Variants in SLC12A1 observed in about 807,000 individuals in gnomAD.
The protein encoded by SLC12A1 is Na-K-2Cl cotransporter.
A neutral mutation model predicts 130.4 loss-of-function variants in SLC12A1; 89 were observed. That is an observed-to-expected ratio of 0.68 (90% confidence interval 0.58 to 0.81). SLC12A1 has a LOEUF of 0.81. Ranked by LOEUF, SLC12A1 falls within the 40% of genes least tolerant of loss-of-function variation. The pLI is 0.00. For missense variants in SLC12A1, 1,310 were observed against 1,336.4 expected, an observed-to-expected ratio of 0.98 and a Z score of 0.31; for synonymous variants, 499 against 460.0, an observed-to-expected ratio of 1.08 and a Z score of -1.09.
At chr15:48,248,448 C>A (rs1194308277) in intron 13 of SLC12A1, among the ~76,000 whole-genome samples, 1 of 152,224 alleles carries the variant, frequency 6.6e-6, no homozygotes, top group Non-Finnish European at 1.5e-5. Context: ...TTTTTAAAGT[C>A]TTGTATACAT....
chr15:48,249,437 TG>T (rs1566840579), intron 13 of SLC12A1, 137 bp from the exon 14 acceptor site: 1 of 695,664 alleles, frequency 1.4e-6, no homozygotes, highest in African/African-American at 1.8e-5. Flanking sequence ...CAAAGAAAAA[TG>T]ACTAACTTCT....
At chr15:48,221,475 G>C (rs558156710) in intron 4 of SLC12A1, 3 of 672,764 alleles carry the variant, frequency 4.5e-6, no homozygotes, top group Admixed American at 4.4e-5. Context: ...TGTTACTTTC[G>C]GGTACCAGCA....
At position 48,302,791 on chromosome 15, in the gene SLC12A1, T is replaced by G. The variant is rs1473447476; in HGVS notation, c.3206T>G (p.Leu1069Trp). 15 of 1,613,450 alleles carry G rather than the reference T, an allele frequency of 9.3e-6. No homozygotes were observed. The highest frequency in any genetic ancestry group is 1.1e-5 in the Non-Finnish European group (13 of 1,179,598). ...VARKGSISDL[L>W]YMAWLEILTK... ...AGAAAGGGATCCATATCGGATTTGTTGTATATGGCTTGGTTGGAAATCCTC... is the reference window on the plus strand; with the variant it reads ...AGAAAGGGATCCATATCGGATTTGTGGTATATGGCTTGGTTGGAAATCCTC... The change falls in exon 27 of 27, where the codon TTG (leucine) becomes TGG (tryptophan). Residue 1069 changes from leucine to tryptophan, a missense_variant. By Grantham distance (61) the Leu-to-Trp change is moderately conservative. Transcript: ENST00000380993.
intron 14 of SLC12A1, 80 bp from the exon 15 acceptor site, chr15:48,251,535 A>G: frequency 1.8e-6 from 2 of 1,111,610 alleles, no homozygotes; most frequent in South Asian, 2.6e-5. Context: ...GGAAAAAGGC[A>G]TGTTACCTGC....
intron 20 of SLC12A1, among the ~76,000 whole-genome samples, chr15:48,279,645 T>G (rs1678668388): frequency 6.6e-6 from 1 of 152,224 alleles, no homozygotes; most frequent in Non-Finnish European, 1.5e-5. Context: ...TATTTCATAC[T>G]GCTCACTTCC....
intron 5 of SLC12A1, chr15:48,227,318 A>C: frequency 1.5e-6 from 1 of 650,282 alleles, no homozygotes; most frequent in Non-Finnish European, 2.7e-6. Context: ...ACAGCAAAGC[A>C]AAATTTTTCT....
chr15:48,259,994 G>A (rs936351844), intron 17 of SLC12A1, among the ~76,000 whole-genome samples: 6 of 152,134 alleles, frequency 3.9e-5, no homozygotes, highest in Non-Finnish European at 8.8e-5. Flanking sequence ...GCCAAAGGGT[G>A]CAGTGGCTCA....
intron 4 of SLC12A1, chr15:48,222,344 A>C (rs1416219070): frequency 6.6e-6 from 1 of 152,180 alleles, no homozygotes; most frequent in Non-Finnish European, 1.5e-5. Context: ...TCTGAACTTT[A>C]ATCAGATCTT....
intron 18 of SLC12A1, among the ~76,000 whole-genome samples, chr15:48,268,905 A>G (rs540809045): frequency 3.3e-5 from 5 of 152,346 alleles, no homozygotes; most frequent in African/African-American, 9.6e-5. Flanking sequence ...AAGAAAAGAC[A>G]CAAGTATGAA....
chr15:48,294,506 T>C (rs2042154759), intron 24 of SLC12A1, among the ~76,000 whole-genome samples: 1 of 152,222 alleles, frequency 6.6e-6, no homozygotes, highest in African/African-American at 2.4e-5. Context: ...TGTAAATACA[T>C]AAGAAAAATT....
rs139752042 is a variant in SLC12A1 at position 48,276,081 on chromosome 15, G to A, written c.2485+1428G>A. 5.1e-3 allele frequency among the ~76,000 whole-genome samples: 777 copies of A among 152,300 alleles called. 8 individuals are homozygous for A. The highest frequency in any genetic ancestry group is 0.044 in the Middle Eastern group (13 of 294). On this transcript the variant is annotated intron_variant, in intron 20 of 26. Coordinates refer to ENST00000380993, the MANE Select transcript of SLC12A1 (RefSeq NM_000338.3). ...GTATTTTGCAGGTACAAAGAGCAGC[G>A]TTTGGGAGTTGATTGAATGTGTGGG...
chr15:48,226,921 T>C, intron 5 of SLC12A1: 1 of 616,778 alleles, frequency 1.6e-6, no homozygotes. Context: ...ACATTTCAGG[T>C]GCTTCCTAGA....
chr15:48,278,379 G>A (rs1054205328), intron 20 of SLC12A1, among the ~76,000 whole-genome samples: 6 of 152,178 alleles, frequency 3.9e-5, no homozygotes, highest in Admixed American at 2.0e-4. Context: ...GGTAAAATGG[G>A]GGCTTACCCA....
chr15:48,237,975 G>A (rs2041458408), intron 9 of SLC12A1, among the ~76,000 whole-genome samples: 1 of 152,116 alleles, frequency 6.6e-6, no homozygotes, highest in Non-Finnish European at 1.5e-5. Context: ...GCCATGCAGA[G>A]GAGAAGAACC....
At chr15:48,247,311 A>G in intron 12 of SLC12A1, 26 bp from the exon 13 acceptor site, 1 of 1,593,822 alleles carries the variant, frequency 6.3e-7, no homozygotes, top group Non-Finnish European at 8.5e-7. Context: ...TATAAATGAC[A>G]AATTTCTTCT....
chr15:48,254,787 G>T (rs1018187087), intron 15 of SLC12A1, among the ~76,000 whole-genome samples: 2 of 151,950 alleles, frequency 1.3e-5, no homozygotes, highest in African/African-American at 4.8e-5. Flanking sequence ...AGCCGGGCGT[G>T]GTGGCGGGCG....
At chr15:48,233,455 C>T (rs372642928) in intron 8 of SLC12A1, among the ~76,000 whole-genome samples, 1 of 152,182 alleles carries the variant, frequency 6.6e-6, no homozygotes, top group East Asian at 1.9e-4. Context: ...TTGCACCTTG[C>T]TTTCCCACAG....
At position 48,255,849 on chromosome 15, in the gene SLC12A1, G is replaced by A. The variant is rs191148564; in HGVS notation, c.1981G>A (p.Val661Met). ...WGSSTQALSY[V>M]SALDNALELT... ...CTCCTCCACACAGGCTCTTTCCTAC[G>A]TGAGTGCTTTAGACAATGCTCTGGA... The change falls in exon 16 of 27, where the codon GTG becomes ATG. Residue 661 changes from valine to methionine, a missense_variant. Transcript: ENST00000380993. 162 of 1,608,376 alleles carry A rather than the reference G, an allele frequency of 1.0e-4. No homozygotes were observed. The highest frequency in any genetic ancestry group is 1.3e-4 in the African/African-American group (10 of 74,920).
Position 48,239,515 on chromosome 15 carries a change from A to AAAAGAAAT in SLC12A1, c.1216-1997_1216-1996insGAAATAAA, listed in dbSNP as rs2041477195. ...GGGCAACAGAACAAGAACCCATCTC[A>AAAAGAAAT]AAATAAATAAATAAATAAATAAATA... is the stretch of plus-strand genomic sequence containing the variant. On this transcript the variant is annotated intron_variant, in intron 9 of 26. Transcript: ENST00000380993. Among the ~76,000 whole-genome samples the AAAAGAAAT allele has an allele frequency of 6.3e-5, 9 of 143,718 alleles. No individual in the cohort carries two copies. In the South Asian group the frequency reaches 2.0e-3, roughly 33 times the overall value. The allele number at this position is 143,718 out of a possible 152,430, so 94.3% of individuals were successfully genotyped here. A position where few individuals can be genotyped will look rare whatever the true frequency, so the allele number is the denominator to read the frequency against.
Sources: gnomAD v4.1 joint callset for allele counts (sites outside exome capture counted in the v4.1 genomes callset) on GRCh38, gnomAD v4.1.1 for gene constraint, MANE v1.5 for transcripts, NCBI Gene and HGNC (gene_info 2026-07-23, HGNC 2026-07-21) for gene names.